Variants in KAZN observed in about 807,000 individuals in gnomAD.
KAZN encodes the protein kazrin, periplakin interacting protein.
In KAZN, 40 loss-of-function variants were observed where a neutral mutation model predicts 87.4. The ratio of observed to expected loss-of-function variants is 0.46; its 90% CI spans 0.36 to 0.60. The LOEUF (loss-of-function observed/expected upper bound fraction) is 0.60, where lower values mean the gene tolerates loss of function less well. Among genes scored for constraint, KAZN ranks in the 20% least tolerant of loss-of-function variants. KAZN has a pLI of 0.00. For missense variants in KAZN, 898 were observed against 1,073.9 expected (o/e 0.84, Z 2.29); for synonymous variants, 466 against 458.3 (o/e 1.02, Z -0.22).
intron 1 of KAZN, among the ~76,000 whole-genome samples, chr1:14,625,510 C>T (rs1679069119): frequency 6.6e-6 from 1 of 152,120 alleles, no homozygotes; most frequent in Non-Finnish European, 1.5e-5. Context: ...CCAAAAAAGC[C>T]CCAAAGAGGC....
chr1:14,525,808 G>A (rs1260657942), intron 2 of KAZN, among the ~76,000 whole-genome samples: 1 of 152,200 alleles, frequency 6.6e-6, no homozygotes, highest in Non-Finnish European at 1.5e-5. Flanking sequence ...TAGTGCTCTC[G>A]ATAATCATGA....
At chr1:13,946,615 C>T (rs1292841874) in intron 1 of KAZN, among the ~76,000 whole-genome samples, 1 of 152,108 alleles carries the variant, frequency 6.6e-6, no homozygotes, top group Non-Finnish European at 1.5e-5. Context: ...TAGGACAATC[C>T]TTGGGATCCT....
chr1:14,955,723 A>G (rs72871894), intron 1 of KAZN, among the ~76,000 whole-genome samples: 10,597 of 152,258 alleles, frequency 0.07, 1,252 homozygotes, highest in African/African-American at 0.24. Flanking sequence ...TGTTAGTCAA[A>G]GAGAAAGGCA....
intron 1 of KAZN, among the ~76,000 whole-genome samples, chr1:14,766,859 C>T (rs1296273452): frequency 6.6e-6 from 1 of 151,846 alleles, no homozygotes; most frequent in African/African-American, 2.4e-5. Flanking sequence ...AGTGTCTCTC[C>T]CATGCGTTCA....
At chr1:14,962,626 C>A (rs545367212) in intron 2 of KAZN, among the ~76,000 whole-genome samples, 1 of 152,194 alleles carries the variant, frequency 6.6e-6, no homozygotes, top group Non-Finnish European at 1.5e-5. Context: ...AAGCTGTTGT[C>A]GTTTGGTCTT....
At chr1:14,547,204 CCTT>C (rs1163258164) in intron 2 of KAZN, among the ~76,000 whole-genome samples, 1 of 152,054 alleles carries the variant, frequency 6.6e-6, no homozygotes, top group Admixed American at 6.5e-5. Flanking sequence ...TTTTCCTTGA[CCTT>C]CTCAATGCAA....
intron 1 of KAZN, among the ~76,000 whole-genome samples, chr1:14,684,178 G>A (rs1348624340): frequency 6.6e-6 from 1 of 152,098 alleles, no homozygotes. Context: ...TTTTTGTTGA[G>A]CCTTTTCATG....
intron 2 of KAZN, among the ~76,000 whole-genome samples, chr1:14,250,667 A>G (rs1649942965): frequency 6.6e-6 from 1 of 151,900 alleles, no homozygotes; most frequent in Admixed American, 6.6e-5. Flanking sequence ...TAGTTGTATT[A>G]TTTGAGTAAA....
intron 2 of KAZN, among the ~76,000 whole-genome samples, chr1:14,357,511 G>A (rs1659137779): frequency 6.6e-6 from 1 of 152,180 alleles, no homozygotes; most frequent in Non-Finnish European, 1.5e-5. Context: ...GGTTTTCAAA[G>A]GGAATGCTTC....
intron 1 of KAZN, among the ~76,000 whole-genome samples, chr1:14,640,888 T>C (rs1680363251): frequency 6.6e-6 from 1 of 152,234 alleles, no homozygotes; most frequent in South Asian, 2.1e-4. Context: ...CCCACGTCCC[T>C]GATCAGAGTC....
At chr1:14,847,618 A>AC (rs1340726193) in intron 1 of KAZN, among the ~76,000 whole-genome samples, 1 of 152,048 alleles carries the variant, frequency 6.6e-6, no homozygotes, top group Non-Finnish European at 1.5e-5. Flanking sequence ...AGCCTCCCCC[A>AC]CCCAAATCTG....
At chr1:14,863,766 A>T (rs922946426) in intron 1 of KAZN, among the ~76,000 whole-genome samples, 29 of 152,176 alleles carry the variant, frequency 1.9e-4, no homozygotes, top group Non-Finnish European at 3.7e-4. Context: ...CTGAAGGTGC[A>T]CGGGGGATCA....
intron 2 of KAZN, among the ~76,000 whole-genome samples, chr1:14,193,661 GT>G (rs35505020): frequency 0.71 from 99,296 of 140,206 alleles, 37,329 homozygotes; most frequent in Non-Finnish European, 0.84. Flanking sequence ...AGACTAAGGT[GT>G]TTTTTTTTTT....
At chr1:14,400,017 C>T (rs977545222) in intron 2 of KAZN, among the ~76,000 whole-genome samples, 1 of 152,000 alleles carries the variant, frequency 6.6e-6, no homozygotes, top group Non-Finnish European at 1.5e-5. Context: ...ACAGTCATTT[C>T]ATCCAGTCAG....
At chr1:14,706,341 A>G (rs1642208470) in intron 1 of KAZN, among the ~76,000 whole-genome samples, 1 of 152,066 alleles carries the variant, frequency 6.6e-6, no homozygotes, top group South Asian at 2.1e-4. Context: ...CACCCCGCCA[A>G]TCTGGGGAAA....
At chr1:14,182,425 T>G (rs1646217272) in intron 2 of KAZN, among the ~76,000 whole-genome samples, 1 of 152,134 alleles carries the variant, frequency 6.6e-6, no homozygotes. Context: ...AAGGATGAAG[T>G]GGGTTGTGAT....
At chr1:14,392,684 C>T (rs893882216) in intron 2 of KAZN, among the ~76,000 whole-genome samples, 2 of 152,114 alleles carry the variant, frequency 1.3e-5, no homozygotes, top group Non-Finnish European at 2.9e-5. Context: ...CAGTAGCACA[C>T]CTCGGTCATG....
chr1:15,036,414 C>T (rs1672341699), intron 3 of KAZN, among the ~76,000 whole-genome samples: 1 of 151,548 alleles, frequency 6.6e-6, no homozygotes, highest in Non-Finnish European at 1.5e-5. Context: ...ACCCAGCTCC[C>T]CTTCCCCTGC....
rs141321203 is a variant in KAZN, at chr1:14,518,178, C to CTTTT, written c.250-80787_250-80784dup. ...TTGGTAACTGGAGTCTTTTTGAAGG[C>CTTTT]TTTTTTTTTTTTTTTTTTTTTGGGC... On this transcript the variant is annotated intron_variant, in intron 2 of 16. Coordinates refer to the KAZN transcript ENST00000636203. Among the ~76,000 whole-genome samples, 117 of 91,288 alleles carry CTTTT rather than the reference C, an allele frequency of 1.3e-3. 1 individual carries two copies. Among genetic ancestry groups the CTTTT allele is most frequent in the African/African-American group, 3.0e-3 (69 of 22,918 alleles). The allele number at this position is 91,288 out of a possible 152,430, so 59.9% of individuals were successfully genotyped here.
Sources: allele counts gnomAD v4.1 joint callset (sites outside exome capture counted in the v4.1 genomes callset), GRCh38; gene constraint gnomAD v4.1.1; transcripts MANE v1.5; gene names NCBI Gene and HGNC (gene_info 2026-07-23, HGNC 2026-07-21).